The following MCC variants were observed in gnomAD, a reference collection of about 807,000 sequenced individuals.
The protein encoded by MCC is MCC regulator of Wnt signaling pathway.
MCC carries 90 observed loss-of-function variants against 116.2 expected under a neutral mutation model. The observed-to-expected ratio is 0.77, with a 90% CI of 0.65 to 0.92. MCC has a LOEUF of 0.92. Among genes scored for constraint, MCC ranks in the 40% least tolerant of loss-of-function variants. The pLI, the probability that MCC is intolerant of heterozygous loss-of-function variation, is 0.00. For missense variants in MCC, 1,516 were observed against 1,312.2 expected (o/e 1.16, Z -2.40); for synonymous variants, 578 against 510.5 (o/e 1.13, Z -1.78).
intron 16 of MCC, among the ~76,000 whole-genome samples, chr5:113,045,026 C>A (rs6877570): frequency 1.3e-5 from 2 of 152,162 alleles, no homozygotes; most frequent in Non-Finnish European, 2.9e-5. Flanking sequence ...CCTGGGCCGC[C>A]TTCCACCTCC....
intron 8 of MCC, among the ~76,000 whole-genome samples, chr5:113,090,797 A>G (rs943787457): frequency 2.0e-5 from 3 of 152,244 alleles, no homozygotes; most frequent in African/African-American, 7.2e-5. Context: ...AGCTTCAGCT[A>G]AAGTCAACAG....
chr5:113,035,197 A>T (rs1751248853), intron 17 of MCC, among the ~76,000 whole-genome samples: 1 of 152,202 alleles, frequency 6.6e-6, no homozygotes, highest in South Asian at 2.1e-4. Context: ...CATTGGGCTC[A>T]GATCTCTCTG....
At chr5:113,045,049 T>C (rs947868488) in intron 16 of MCC, among the ~76,000 whole-genome samples, 1 of 152,312 alleles carries the variant, frequency 6.6e-6, no homozygotes, top group East Asian at 1.9e-4. Flanking sequence ...TCCACCTACC[T>C]GCGCTCAGAG....
intron 3 of MCC, among the ~76,000 whole-genome samples, chr5:113,221,245 T>C (rs1051255656): frequency 1.3e-5 from 2 of 152,210 alleles, no homozygotes; most frequent in African/African-American, 4.8e-5. Flanking sequence ...ACAGATGTGC[T>C]TGCATTTATC....
At chr5:113,302,503 A>G (rs958848562) in intron 3 of MCC, among the ~76,000 whole-genome samples, 1 of 152,204 alleles carries the variant, frequency 6.6e-6, no homozygotes. Flanking sequence ...TCAGAAATAT[A>G]CTTTTTGGAT....
intron 2 of MCC, among the ~76,000 whole-genome samples, chr5:113,364,011 A>G (rs1160438422): frequency 6.6e-6 from 1 of 152,150 alleles, no homozygotes; most frequent in Non-Finnish European, 1.5e-5. Context: ...AGGCAGGCAG[A>G]TCACAAGGTC....
intron 3 of MCC, among the ~76,000 whole-genome samples, chr5:113,209,381 G>A (rs551935558): frequency 2.2e-4 from 34 of 152,274 alleles, no homozygotes; most frequent in Admixed American, 2.2e-3. Flanking sequence ...CTCTGCCTAA[G>A]CAACATTACA....
intron 8 of MCC, among the ~76,000 whole-genome samples, chr5:113,096,484 C>T (rs1756027657): frequency 6.6e-6 from 1 of 152,242 alleles, no homozygotes; most frequent in Admixed American, 6.5e-5. Flanking sequence ...TTCTCTGCAA[C>T]TCTGATTCAC....
At chr5:113,301,249 C>T (rs1004885954) in intron 3 of MCC, among the ~76,000 whole-genome samples, 2 of 152,062 alleles carry the variant, frequency 1.3e-5, no homozygotes, top group Non-Finnish European at 2.9e-5. Flanking sequence ...GTGGGTCACC[C>T]GAGGTCGGGA....
chr5:113,209,934 T>C (rs1763057640), intron 3 of MCC, among the ~76,000 whole-genome samples: 1 of 152,218 alleles, frequency 6.6e-6, no homozygotes, highest in South Asian at 2.1e-4. Flanking sequence ...TGCTATTTCA[T>C]TTTTGCTTAT....
intron 5 of MCC, among the ~76,000 whole-genome samples, chr5:113,139,405 C>T (rs1464725748): frequency 6.6e-6 from 1 of 152,090 alleles, no homozygotes; most frequent in Non-Finnish European, 1.5e-5. Context: ...AAAGTCCTAT[C>T]AATAAAGTCG....
intron 8 of MCC, among the ~76,000 whole-genome samples, chr5:113,100,241 A>G (rs1756312363): frequency 1.3e-5 from 2 of 152,138 alleles, no homozygotes; most frequent in South Asian, 2.1e-4. Flanking sequence ...TTTCTTCCAT[A>G]TTTTTCAAAT....
chr5:113,081,079 C>G (rs773810738), intron 11 of MCC, among the ~76,000 whole-genome samples: 12 of 152,170 alleles, frequency 7.9e-5, no homozygotes, highest in South Asian at 2.1e-4. Flanking sequence ...GATGACCCCC[C>G]CTCCCCTGCC....
At position 113,028,959 on chromosome 5, in the gene MCC, C is replaced by T. The variant is rs139859351; in HGVS notation, c.2854G>A (p.Val952Met). ...EIRHQQSAEF[V>M]NDLKRANSNL... ...CTGTTGGCCCGCTTTAGATCATTCA[C>T]GAACTCTGCAGATTGCTGATGTCGG... The change falls in exon 18 of 19, where the codon GTG becomes ATG. Residue 952 changes from valine to methionine, a missense_variant. Transcript: ENST00000408903. 2.4e-5 allele frequency: 39 copies of T among 1,613,888 alleles called. No individual in the cohort carries two copies. The highest frequency in any genetic ancestry group is 3.2e-5 in the Non-Finnish European group (38 of 1,179,932).
intron 3 of MCC, among the ~76,000 whole-genome samples, chr5:113,283,953 T>A (rs1050613981): frequency 6.6e-6 from 1 of 152,242 alleles, no homozygotes; most frequent in African/African-American, 2.4e-5. Context: ...TTTATGATGA[T>A]CCACTGCATG....
intron 2 of MCC, among the ~76,000 whole-genome samples, chr5:113,341,486 T>C (rs113033156): frequency 0.047 from 7,202 of 152,256 alleles, 543 homozygotes; most frequent in African/African-American, 0.16. Context: ...CAACCGACAG[T>C]ATCATGACTT....
intron 1 of MCC, among the ~76,000 whole-genome samples, chr5:113,429,166 T>C (rs1174851310): frequency 2.0e-5 from 3 of 152,114 alleles, no homozygotes; most frequent in Non-Finnish European, 2.9e-5. Flanking sequence ...TAACCTCCAA[T>C]GTGACTCTAT....
At chr5:113,425,734 GT>G in intron 1 of MCC, among the ~76,000 whole-genome samples, 1 of 152,206 alleles carries the variant, frequency 6.6e-6, no homozygotes, top group Non-Finnish European at 1.5e-5. Flanking sequence ...CGTCATCAGT[GT>G]TACAAAGAAT....
intron 13 of MCC, among the ~76,000 whole-genome samples, chr5:113,064,683 G>A (rs6862481): frequency 0.34 from 51,925 of 151,992 alleles, 8,872 homozygotes; most frequent in Middle Eastern, 0.39. Flanking sequence ...GATTGGCTCT[G>A]TATTATAGGT....
Sources: gnomAD v4.1 joint callset for allele counts (sites outside exome capture counted in the v4.1 genomes callset) on GRCh38, gnomAD v4.1.1 for gene constraint, MANE v1.5 for transcripts, NCBI Gene and HGNC (gene_info 2026-07-23, HGNC 2026-07-21) for gene names.